UNC80: variants seen among roughly 807,000 people sequenced by gnomAD.
The protein encoded by UNC80 is protein unc-80 homolog.
A neutral mutation model predicts 384.6 loss-of-function variants in UNC80; 164 were observed. The observed-to-expected ratio is 0.43, with a 90% CI of 0.38 to 0.49. The LOEUF (loss-of-function observed/expected upper bound fraction) is 0.49, where lower values mean the gene tolerates loss of function less well. UNC80 is among the 20% of genes least tolerant of loss of function. UNC80 has a pLI of 0.00. For missense variants in UNC80, 3,330 were observed against 4,143.0 expected (o/e 0.80, Z 5.39); for synonymous variants, 1,486 against 1,527.8 (o/e 0.97, Z 0.64).
chr2:209,943,650 G>C (rs887644348), intron 45 of UNC80, 136 bp downstream of exon 45: 1 of 1,064,234 alleles, frequency 9.4e-7, no homozygotes, highest in Non-Finnish European at 1.3e-6. Context: ...GGCAGGCAGA[G>C]GAGTCGAAAA....
chr2:209,977,543 C>G (rs1575202165), intron 58 of UNC80, among the ~76,000 whole-genome samples: 2 of 152,194 alleles, frequency 1.3e-5, no homozygotes, highest in South Asian at 4.1e-4. Context: ...GAAACAGACA[C>G]AGTAGAAAAT....
chr2:209,991,138 CCCTGG>C (rs2093383819), intron 61 of UNC80, among the ~76,000 whole-genome samples: 1 of 152,132 alleles, frequency 6.6e-6, no homozygotes, highest in Non-Finnish European at 1.5e-5. Flanking sequence ...TCTTTCTTTT[CCCTGG>C]GCAGTTGCTG....
At chr2:209,899,103 A>G (rs2087106294) in intron 28 of UNC80, among the ~76,000 whole-genome samples, 1 of 152,176 alleles carries the variant, frequency 6.6e-6, no homozygotes, top group Non-Finnish European at 1.5e-5. Context: ...TATCATGATC[A>G]AGTCCACAGC....
rs549987289 is a variant in UNC80, at chr2:209,889,855, G to A, written c.4276+1595G>A. The stretch of plus-strand genomic sequence containing the variant: ...TTATAGCTGCATAGTATTCCATGGT[G>A]TATATGTGCCACATTTTCTTAATTT... On this transcript the variant is annotated intron_variant, in intron 26 of 64. Coordinates refer to ENST00000673920, the MANE Select transcript of UNC80 (RefSeq NM_001371986.1). Among the ~76,000 whole-genome samples the A allele has an allele frequency of 3.9e-5, 6 of 152,260 alleles. No homozygotes were observed. The South Asian group carries it at 1.2e-3, about 32-fold the overall frequency.
intron 56 of UNC80, among the ~76,000 whole-genome samples, chr2:209,974,059 T>C (rs865962102): frequency 1.3e-5 from 2 of 152,174 alleles, no homozygotes; most frequent in Non-Finnish European, 1.5e-5. Context: ...ACTCTTGCCA[T>C]AGCGCTGAGA....
At chr2:209,959,412 C>T in intron 50 of UNC80, 77 bp from the exon 51 acceptor site, 1 of 1,356,426 alleles carries the variant, frequency 7.4e-7, no homozygotes, top group South Asian at 1.3e-5. Flanking sequence ...TATTTTTCTT[C>T]AGTGTGATAC....
At position 209,993,423 on chromosome 2, in the gene UNC80, T is replaced by C. The variant is rs1392609982; in HGVS notation, c.9505T>C (p.Ser3169Pro). 1 of 1,551,280 alleles carries C rather than the reference T, an allele frequency of 6.4e-7. No individual in the cohort carries two copies. Among genetic ancestry groups the C allele is most frequent in the Admixed American group, 2.0e-5 (1 of 50,990 alleles). The change falls in exon 63 of 65, where the codon TCT becomes CCT. Residue 3169 changes from serine to proline, a missense_variant. By Grantham distance (74) the Ser-to-Pro change is moderately conservative (BLOSUM62 -1). This residue lies in a region of UNC80 where 236 missense variants were observed against 254.9 expected (regional missense o/e 0.93). Transcript: ENST00000673920. ...RRSIQPKTKP[S>P]ADQKRSVTFI... ...GAGCATTCAACCTAAAACGAAGCCG[T>C]CTGGTGAGGCCTCCTGTGTCCCTTC...
intron 20 of UNC80, among the ~76,000 whole-genome samples, 165 bp from the exon 21 acceptor site, chr2:209,842,185 A>G (rs1013826729): frequency 6.6e-6 from 1 of 152,208 alleles, no homozygotes; most frequent in African/African-American, 2.4e-5. Flanking sequence ...GCACATGGGA[A>G]TGAACTACAC....
intron 25 of UNC80, among the ~76,000 whole-genome samples, chr2:209,886,585 T>G (rs1181243962): frequency 6.6e-6 from 1 of 152,120 alleles, no homozygotes; most frequent in Admixed American, 6.6e-5. Context: ...ATGAGATCAT[T>G]GTGTTCAGCC....
chr2:209,821,062 C>G (rs1254737032), intron 13 of UNC80, among the ~76,000 whole-genome samples: 2 of 151,382 alleles, frequency 1.3e-5, no homozygotes, highest in Non-Finnish European at 2.9e-5. Flanking sequence ...TAACAAAATA[C>G]CATAGACTGA....
chr2:209,950,192 T>G (rs1460651806), intron 47 of UNC80, among the ~76,000 whole-genome samples: 3 of 152,176 alleles, frequency 2.0e-5, no homozygotes, highest in Non-Finnish European at 2.9e-5. Flanking sequence ...CTGTAAGTAA[T>G]GTGGTTTCTT....
At chr2:209,854,993 A>T (rs2082794661) in intron 22 of UNC80, among the ~76,000 whole-genome samples, 1 of 152,242 alleles carries the variant, frequency 6.6e-6, no homozygotes, top group African/African-American at 2.4e-5. Flanking sequence ...AAACACATGC[A>T]CACGTATGTT....
intron 60 of UNC80, among the ~76,000 whole-genome samples, chr2:209,984,177 C>T (rs2093228560): frequency 6.6e-6 from 1 of 152,242 alleles, no homozygotes; most frequent in African/African-American, 2.4e-5. Context: ...TTTAATTATT[C>T]TCTCACCAAC....
intron 36 of UNC80, 125 bp from the exon 37 acceptor site, chr2:209,929,746 A>T (rs2090708146): frequency 1.5e-6 from 1 of 645,628 alleles, no homozygotes; most frequent in Non-Finnish European, 2.5e-6. Context: ...TTGCAAAAGA[A>T]AAAAGAGTTC....
At chr2:209,846,356 T>A (rs1030199780) in intron 21 of UNC80, among the ~76,000 whole-genome samples, 2 of 152,154 alleles carry the variant, frequency 1.3e-5, no homozygotes, top group Non-Finnish European at 2.9e-5. Flanking sequence ...TATTTCATTT[T>A]AAAAATCATG....
chr2:209,786,301 A>T, intron 5 of UNC80, 112 bp downstream of exon 5: 1 of 1,347,404 alleles, frequency 7.4e-7, no homozygotes. Context: ...AAATATCTAC[A>T]TGTAGTTATT....
At position 209,776,036 on chromosome 2, in the gene UNC80, A is replaced by G; in HGVS notation, c.289A>G (p.Asn97Asp). The change falls in exon 3 of 65, where the codon AAC becomes GAC. Residue 97 changes from asparagine (N) to aspartate (D), a missense_variant. Physicochemically the swap from Asn to Asp is conservative, Grantham distance 23. This residue lies in a region of UNC80 where 86 missense variants were observed against 141.5 expected (regional missense o/e 0.61). Coordinates refer to ENST00000673920, the MANE Select transcript of UNC80 (RefSeq NM_001371986.1). ...HCTATLLSNR[N>D]KLGHQDKLGV... is the part of the protein sequence containing the mutation. ...CACTGCAACCCTGCTTTCAAACCGA[A>G]ACAAGCTAGGTTGGTGCCCCGCATT... 1 of 1,613,974 alleles carries G rather than the reference A, an allele frequency of 6.2e-7. No individual in the cohort carries two copies. The highest frequency in any genetic ancestry group is 8.5e-7 in the Non-Finnish European group (1 of 1,179,944).
intron 35 of UNC80, 149 bp downstream of exon 35, chr2:209,922,532 CT>C (rs956446383): frequency 4.9e-6 from 5 of 1,012,794 alleles, no homozygotes; most frequent in African/African-American, 1.6e-5. Context: ...GCATGGCATC[CT>C]TTAAAAAAAA....
chr2:209,777,781 T>C (rs1252963531), intron 4 of UNC80, among the ~76,000 whole-genome samples: 2 of 152,204 alleles, frequency 1.3e-5, no homozygotes, highest in African/African-American at 4.8e-5. Flanking sequence ...GTTCTCCCTC[T>C]GCCTCATGAT....
Sources: allele counts gnomAD v4.1 joint callset (sites outside exome capture counted in the v4.1 genomes callset), GRCh38; gene constraint gnomAD v4.1.1; regional missense constraint gnomAD v4.1.1; transcripts MANE v1.5; gene names NCBI Gene and HGNC (gene_info 2026-07-23, HGNC 2026-07-21).